The following SPON1 variants were observed in gnomAD, a reference collection of about 807,000 sequenced individuals.
SPON1 encodes spondin 1.
SPON1 carries 52 observed loss-of-function variants against 111.7 expected under a neutral mutation model. The observed-to-expected ratio is 0.47, with a 90% CI of 0.37 to 0.59. SPON1 has a LOEUF of 0.59. SPON1 is among the 20% of genes least tolerant of loss of function. SPON1 has a pLI of 0.00. For missense variants in SPON1, 957 were observed against 1,068.5 expected (o/e 0.90, Z 1.46); for synonymous variants, 410 against 395.8 (o/e 1.04, Z -0.43).
At chr11:14,144,881 T>C (rs1847700812) in intron 6 of SPON1, among the ~76,000 whole-genome samples, 1 of 152,110 alleles carries the variant, frequency 6.6e-6, no homozygotes, top group Non-Finnish European at 1.5e-5. Flanking sequence ...TTTTTAGGTG[T>C]GTCACCCTGC....
At chr11:14,145,300 A>G (rs1470169254) in intron 6 of SPON1, among the ~76,000 whole-genome samples, 1 of 152,166 alleles carries the variant, frequency 6.6e-6, no homozygotes, top group Non-Finnish European at 1.5e-5. Flanking sequence ...CTTAACCTCT[A>G]CAGTTTTATA....
intron 3 of SPON1, among the ~76,000 whole-genome samples, chr11:14,067,857 G>C (rs187931081): frequency 5.3e-4 from 80 of 152,338 alleles, no homozygotes; most frequent in African/African-American, 1.8e-3. Flanking sequence ...GTAGACGCCA[G>C]GACTTGCTGT....
At chr11:14,014,981 C>T (rs73420268) in intron 2 of SPON1, among the ~76,000 whole-genome samples, 2,065 of 152,172 alleles carry the variant, frequency 0.014, 41 homozygotes, top group African/African-American at 0.047. Context: ...TGTCTGTGCA[C>T]GTACACACAC....
At chr11:14,208,378 TC>T (rs782807067) in intron 6 of SPON1, among the ~76,000 whole-genome samples, 2 of 152,150 alleles carry the variant, frequency 1.3e-5, no homozygotes, top group Non-Finnish European at 2.9e-5. Flanking sequence ...AAGTTGTTCC[TC>T]ATTTTAGCAC....
chr11:14,260,523 G>A (rs1849159524), intron 13 of SPON1, 65 bp from the exon 14 acceptor site: 4 of 1,548,672 alleles, frequency 2.6e-6, no homozygotes, highest in Admixed American at 3.5e-5. Context: ...AACACTGTGG[G>A]GTCAGGGAGA....
chr11:14,060,552 C>G (rs1205224682), intron 3 of SPON1, among the ~76,000 whole-genome samples: 1 of 152,180 alleles, frequency 6.6e-6, no homozygotes, highest in African/African-American at 2.4e-5. Context: ...AACGAGATAA[C>G]CAGGGATTCT....
intron 5 of SPON1, among the ~76,000 whole-genome samples, chr11:14,090,823 GGCC>G (rs1849046081): frequency 3.7e-5 from 1 of 27,052 alleles, no homozygotes; most frequent in Non-Finnish European, 5.9e-5. Context: ...TCTCTTATCT[GGCC>G]CCCCCCCCCC....
chr11:13,984,862 T>C (rs1211857936), intron 2 of SPON1, among the ~76,000 whole-genome samples: 1 of 152,204 alleles, frequency 6.6e-6, no homozygotes, highest in Admixed American at 6.5e-5. Context: ...CATTTGACTC[T>C]TTCTGCTAGT....
chr11:13,997,352 A>G (rs1011881097), intron 2 of SPON1, among the ~76,000 whole-genome samples: 2 of 152,240 alleles, frequency 1.3e-5, no homozygotes, highest in African/African-American at 4.8e-5. Context: ...AGATCATTGG[A>G]CTAGGAGTCA....
intron 2 of SPON1, among the ~76,000 whole-genome samples, chr11:14,030,638 A>G (rs1848551841): frequency 6.6e-6 from 1 of 152,250 alleles, no homozygotes; most frequent in African/African-American, 2.4e-5. Context: ...AGACATGCAA[A>G]TCAAAACTAC....
rs1848155208 is a variant in SPON1, at chr11:13,982,898, C to T, written c.290C>T (p.Ala97Val). Residue 97 changes from alanine to valine, a missense_variant, in exon 2 of 16, where the codon GCC becomes GTC. Physicochemically the swap from Ala to Val is moderately conservative, Grantham distance 64. This residue lies in a region of SPON1 where 262 missense variants were observed against 253.9 expected (regional missense o/e 1.03). Transcript: ENST00000576479. ...PSYFRGFTLI[A>V]LRENREGDKE... ...TACTTCAGAGGATTCACATTAATTGCCCTCAGAGAGAACAGAGAGGGTGAT... is the reference window on the plus strand; with the variant it reads ...TACTTCAGAGGATTCACATTAATTGTCCTCAGAGAGAACAGAGAGGGTGAT... 2.6e-6 allele frequency: 4 copies of T among 1,562,312 alleles called. No homozygotes were observed. The highest frequency in any genetic ancestry group is 3.5e-6 in the Non-Finnish European group (4 of 1,152,182).
chr11:14,245,686 G>T (rs1485335255), intron 7 of SPON1, among the ~76,000 whole-genome samples: 1 of 151,500 alleles, frequency 6.6e-6, no homozygotes, highest in Non-Finnish European at 1.5e-5. Flanking sequence ...TCAGACAGCT[G>T]GCCCAGCGCA....
intron 7 of SPON1, among the ~76,000 whole-genome samples, chr11:14,251,113 T>G (rs1462522485): frequency 6.6e-6 from 1 of 152,084 alleles, no homozygotes; most frequent in Non-Finnish European, 1.5e-5. Context: ...TCTAAGCAAT[T>G]TGGGGAGAGG....
chr11:14,194,421 C>T (rs138677546), intron 6 of SPON1, among the ~76,000 whole-genome samples: 157 of 152,216 alleles, frequency 1.0e-3, no homozygotes, highest in Admixed American at 2.0e-3. Flanking sequence ...ACTGGGTCAG[C>T]TCAAAGCTCA....
chr11:14,173,877 C>T (rs1444398085), intron 6 of SPON1, among the ~76,000 whole-genome samples: 3 of 148,934 alleles, frequency 2.0e-5, no homozygotes, highest in South Asian at 2.1e-4. Flanking sequence ...AGCACCTGGC[C>T]GTGTGAGGTG....
At chr11:14,206,906 A>G (rs556003287) in intron 6 of SPON1, among the ~76,000 whole-genome samples, 6 of 152,316 alleles carry the variant, frequency 3.9e-5, no homozygotes, top group Admixed American at 1.3e-4. Flanking sequence ...ATGTGAAACC[A>G]AAAAAGAGCC....
At chr11:13,991,452 G>A (rs1463966141) in intron 2 of SPON1, among the ~76,000 whole-genome samples, 3 of 152,074 alleles carry the variant, frequency 2.0e-5, no homozygotes, top group East Asian at 1.9e-4. Context: ...TCTCTACACT[G>A]GTTATTCTAG....
chr11:14,078,680 T>C (rs1848937381), intron 4 of SPON1, among the ~76,000 whole-genome samples: 1 of 152,132 alleles, frequency 6.6e-6, no homozygotes, highest in Non-Finnish European at 1.5e-5. Context: ...TTACCTAATC[T>C]GCTTCAATTT....
At chr11:14,026,076 A>G (rs548455175) in intron 2 of SPON1, among the ~76,000 whole-genome samples, 1 of 152,328 alleles carries the variant, frequency 6.6e-6, no homozygotes, top group South Asian at 2.1e-4. Context: ...GGCAGGAGCC[A>G]GCCTCCGGCT....
Sources: allele counts gnomAD v4.1 joint callset (sites outside exome capture counted in the v4.1 genomes callset), GRCh38; gene constraint gnomAD v4.1.1; regional missense constraint gnomAD v4.1.1; transcripts MANE v1.5; gene names NCBI Gene and HGNC (gene_info 2026-07-23, HGNC 2026-07-21).